The following SDK1 variants were observed in gnomAD, a reference collection of about 807,000 sequenced individuals.
The protein encoded by SDK1 is sidekick cell adhesion molecule 1.
Under a neutral mutation model 245.5 loss-of-function variants are expected in SDK1, and 157 were observed. The observed-to-expected ratio is 0.64, with a 90% CI of 0.56 to 0.73. The LOEUF (loss-of-function observed/expected upper bound fraction) is 0.73, where lower values mean the gene tolerates loss of function less well. SDK1 is among the 30% of genes least tolerant of loss of function. The pLI is 0.00. For missense variants in SDK1, 3,583 were observed against 3,002.3 expected (o/e 1.19, Z -4.52); for synonymous variants, 1,647 against 1,278.5 (o/e 1.29, Z -6.15).
chr7:3,866,955 G>A (rs1374045945), intron 5 of SDK1, among the ~76,000 whole-genome samples: 1 of 152,136 alleles, frequency 6.6e-6, no homozygotes, highest in African/African-American at 2.4e-5. Context: ...TAGGCCTTAG[G>A]CTGGTGAAAT....
chr7:3,412,034 G>T (rs1386801808), intron 1 of SDK1, among the ~76,000 whole-genome samples: 1 of 152,146 alleles, frequency 6.6e-6, no homozygotes, highest in Non-Finnish European at 1.5e-5. Flanking sequence ...AGAAGAAAGG[G>T]AAAGAGGACA....
At chr7:3,313,399 C>G (rs1027216313) in intron 1 of SDK1, among the ~76,000 whole-genome samples, 2 of 152,032 alleles carry the variant, frequency 1.3e-5, no homozygotes, top group South Asian at 4.1e-4. Flanking sequence ...GAGCGAGACT[C>G]CATCTCAAAA....
intron 1 of SDK1, among the ~76,000 whole-genome samples, chr7:3,348,038 C>G (rs1032572172): frequency 3.9e-5 from 6 of 152,090 alleles, no homozygotes; most frequent in Non-Finnish European, 7.4e-5. Context: ...GAGGTGGATT[C>G]AGGTCCTAGC....
rs150566582 is a variant in SDK1 at position 3,564,022 on chromosome 7, G to C, written c.299-55058G>C. On this transcript the variant is annotated intron_variant, in intron 1 of 44. Coordinates refer to ENST00000404826, the MANE Select transcript of SDK1 (RefSeq NM_152744.4). The stretch of plus-strand genomic sequence containing the variant: ...AAGACAGTGAAAACATGACATTTCA[G>C]ATTTGTAGGATGTAGTTCAAGCAGT... Among the ~76,000 whole-genome samples, 711 of 152,136 alleles carry C rather than the reference G, an allele frequency of 4.7e-3. 8 individuals carry two copies. Among genetic ancestry groups the C allele is most frequent in the African/African-American group, 0.015 (622 of 41,522 alleles).
chr7:3,369,293 G>A (rs1373013994), intron 1 of SDK1, among the ~76,000 whole-genome samples: 1 of 151,976 alleles, frequency 6.6e-6, no homozygotes, highest in Non-Finnish European at 1.5e-5. Context: ...CACCTGCCTC[G>A]GCCTCCCAAA....
At chr7:3,638,714 G>T (rs1273682467) in intron 2 of SDK1, among the ~76,000 whole-genome samples, 2 of 150,810 alleles carry the variant, frequency 1.3e-5, no homozygotes, top group African/African-American at 4.9e-5. Flanking sequence ...CAGCACACCA[G>T]CATGGCACAT....
At chr7:4,197,687 G>C (rs1783663781) in intron 35 of SDK1, among the ~76,000 whole-genome samples, 1 of 152,152 alleles carries the variant, frequency 6.6e-6, no homozygotes, top group Admixed American at 6.5e-5. Context: ...TTGCTGGCCT[G>C]GCCTGTTCTC....
chr7:3,559,975 A>G (rs373880725), intron 1 of SDK1, among the ~76,000 whole-genome samples: 4 of 152,324 alleles, frequency 2.6e-5, no homozygotes, highest in African/African-American at 9.6e-5. Context: ...AAGAACATGG[A>G]AACACTTGTA....
intron 3 of SDK1, 106 bp downstream of exon 3, chr7:3,639,216 G>A (rs998664598): frequency 1.7e-6 from 1 of 591,882 alleles, no homozygotes; most frequent in Non-Finnish European, 2.9e-6. Flanking sequence ...TTTATCTTTG[G>A]TTCTATTTTG....
At chr7:3,558,782 A>G (rs1031799416) in intron 1 of SDK1, among the ~76,000 whole-genome samples, 1 of 152,232 alleles carries the variant, frequency 6.6e-6, no homozygotes, top group Non-Finnish European at 1.5e-5. Context: ...ATTCAGCAGA[A>G]TTTTTCTCCT....
At chr7:3,416,334 C>T (rs1486466836) in intron 1 of SDK1, among the ~76,000 whole-genome samples, 2 of 152,072 alleles carry the variant, frequency 1.3e-5, no homozygotes, top group African/African-American at 4.8e-5. Context: ...GAACTGTGCT[C>T]CCGTTCTAGG....
chr7:3,887,041 G>A (rs904624562), intron 5 of SDK1, among the ~76,000 whole-genome samples: 28 of 152,162 alleles, frequency 1.8e-4, no homozygotes, highest in African/African-American at 4.8e-4. Context: ...TTTTAATTCA[G>A]ACTTGGAGTA....
chr7:4,129,887 C>G, intron 26 of SDK1, 21 bp from the exon 27 acceptor site: 1 of 1,612,670 alleles, frequency 6.2e-7, no homozygotes, highest in African/African-American at 1.3e-5. Context: ...TGATAACCCT[C>G]GTGCTGTGTC....
At chr7:3,436,239 A>G (rs899326459) in intron 1 of SDK1, among the ~76,000 whole-genome samples, 1 of 152,090 alleles carries the variant, frequency 6.6e-6, no homozygotes, top group Non-Finnish European at 1.5e-5. Flanking sequence ...TTTCAGTGGT[A>G]TTTTATGGCT....
At chr7:3,307,097 G>C (rs1050326532) in intron 1 of SDK1, among the ~76,000 whole-genome samples, 3 of 152,142 alleles carry the variant, frequency 2.0e-5, no homozygotes, top group Non-Finnish European at 4.4e-5. Context: ...TTTGTTATTT[G>C]ATTAAATACT....
At chr7:3,945,831 G>A (rs1208160840) in intron 5 of SDK1, among the ~76,000 whole-genome samples, 8 of 141,760 alleles carry the variant, frequency 5.6e-5, no homozygotes, top group African/African-American at 1.0e-4. Flanking sequence ...CCTGGGGAGC[G>A]GAGCTTGCAG....
chr7:3,776,646 C>G (rs1004066912), intron 4 of SDK1, among the ~76,000 whole-genome samples: 4 of 151,758 alleles, frequency 2.6e-5, no homozygotes, highest in African/African-American at 9.7e-5. Context: ...TTGTTCATCA[C>G]TGCCTACAGT....
At chr7:3,435,958 G>A (rs1053882536) in intron 1 of SDK1, among the ~76,000 whole-genome samples, 2 of 152,190 alleles carry the variant, frequency 1.3e-5, no homozygotes, top group African/African-American at 2.4e-5. Flanking sequence ...CAGAACTGTT[G>A]CTCTGGCCTA....
intron 1 of SDK1, among the ~76,000 whole-genome samples, chr7:3,418,145 G>GA (rs200914826): frequency 0.013 from 1,509 of 119,536 alleles, 40 homozygotes; most frequent in African/African-American, 0.034. Context: ...TACTAAAAAT[G>GA]AAAAAAAAAA....
Sources: gnomAD v4.1 joint callset for allele counts (sites outside exome capture counted in the v4.1 genomes callset) on GRCh38, gnomAD v4.1.1 for gene constraint, MANE v1.5 for transcripts, NCBI Gene and HGNC (gene_info 2026-07-23, HGNC 2026-07-21) for gene names.